DENND1A: variants seen among roughly 807,000 people sequenced by gnomAD.
The protein encoded by DENND1A is DENN domain containing 1A, also known as DENN domain-containing protein 1A.
In DENND1A, 51 loss-of-function variants were observed where a neutral mutation model predicts 113.7. That is an observed-to-expected ratio of 0.45 (90% CI 0.36 to 0.57). The LOEUF (loss-of-function observed/expected upper bound fraction) is 0.57. Among genes scored for constraint, DENND1A ranks in the 20% least tolerant of loss-of-function variants. The probability of loss-of-function intolerance (pLI) is 0.00; values close to 1 mark genes in which losing one functional copy is unlikely to be tolerated. For missense variants in DENND1A, 1,258 were observed against 1,395.9 expected (o/e 0.90, Z 1.57); for synonymous variants, 565 against 570.8 (o/e 0.99, Z 0.14).
chr9:123,601,303 T>C (rs1307688823), intron 11 of DENND1A, among the ~76,000 whole-genome samples: 2 of 152,214 alleles, frequency 1.3e-5, no homozygotes, highest in Non-Finnish European at 2.9e-5. Flanking sequence ...TTACATAAAT[T>C]ACTGCTAGAG....
chr9:123,520,055 G>T (rs375912009), intron 13 of DENND1A, among the ~76,000 whole-genome samples: 8 of 150,716 alleles, frequency 5.3e-5, no homozygotes, highest in Admixed American at 1.3e-4. Context: ...AATTACATGG[G>T]AGGCAGAGGC....
At chr9:123,592,224 A>G (rs2059490860) in intron 11 of DENND1A, among the ~76,000 whole-genome samples, 1 of 152,248 alleles carries the variant, frequency 6.6e-6, no homozygotes, top group African/African-American at 2.4e-5. Context: ...TTCTAAGACT[A>G]AGGAATTAAA....
chr9:123,650,618 T>C (rs188890181), intron 9 of DENND1A, among the ~76,000 whole-genome samples: 1 of 152,246 alleles, frequency 6.6e-6, no homozygotes, highest in African/African-American at 2.4e-5. Flanking sequence ...TGATTTACTT[T>C]GAAATGCATA....
intron 12 of DENND1A, among the ~76,000 whole-genome samples, chr9:123,564,029 C>G (rs923466177): frequency 5.3e-5 from 8 of 152,150 alleles, no homozygotes; most frequent in African/African-American, 9.7e-5. Flanking sequence ...GGAAACGGAA[C>G]TGCAGAGGAG....
At chr9:123,741,375 C>T (rs1285995910) in intron 5 of DENND1A, among the ~76,000 whole-genome samples, 1 of 152,204 alleles carries the variant, frequency 6.6e-6, no homozygotes, top group Non-Finnish European at 1.5e-5. Context: ...CTTCCCTACC[C>T]ACCATCAATG....
chr9:123,525,341 T>G (rs1269696222), intron 13 of DENND1A, among the ~76,000 whole-genome samples: 2 of 152,090 alleles, frequency 1.3e-5, no homozygotes, highest in African/African-American at 4.8e-5. Flanking sequence ...TGGGGGTAAG[T>G]GGGAAGATGA....
intron 1 of DENND1A, among the ~76,000 whole-genome samples, chr9:123,903,450 A>C (rs1453138115): frequency 6.6e-6 from 1 of 150,902 alleles, no homozygotes; most frequent in Admixed American, 6.6e-5. Context: ...CTGCATTTCC[A>C]TCTGAGGTAC....
At chr9:123,927,335 C>T (rs1383604129) in intron 1 of DENND1A, among the ~76,000 whole-genome samples, 1 of 152,118 alleles carries the variant, frequency 6.6e-6, no homozygotes, top group Non-Finnish European at 1.5e-5. Context: ...CAATGTTAAG[C>T]CCTACTCTGC....
intron 11 of DENND1A, among the ~76,000 whole-genome samples, chr9:123,599,925 C>G (rs2059868242): frequency 6.6e-6 from 1 of 152,140 alleles, no homozygotes; most frequent in East Asian, 1.9e-4. Context: ...GTCACAAACC[C>G]ATACCATGAG....
chr9:123,429,235 C>T (rs1564471432), intron 19 of DENND1A, among the ~76,000 whole-genome samples: 1 of 152,070 alleles, frequency 6.6e-6, no homozygotes, highest in Non-Finnish European at 1.5e-5. Flanking sequence ...TAAAACTGCA[C>T]ACCTACAACC....
chr9:123,860,937 C>A (rs767381552), intron 2 of DENND1A, among the ~76,000 whole-genome samples: 2 of 152,130 alleles, frequency 1.3e-5, no homozygotes, highest in East Asian at 1.9e-4. Flanking sequence ...GCTCTTAAAT[C>A]TTTAGTAAAG....
intron 13 of DENND1A, among the ~76,000 whole-genome samples, chr9:123,551,784 C>A (rs1238179626): frequency 1.3e-5 from 2 of 152,144 alleles, no homozygotes; most frequent in Admixed American, 6.5e-5. Flanking sequence ...CAACACTGGC[C>A]CTCCCCGCCC....
chr9:123,500,761 C>T (rs915065765), intron 13 of DENND1A, among the ~76,000 whole-genome samples: 1 of 152,158 alleles, frequency 6.6e-6, no homozygotes, highest in Non-Finnish European at 1.5e-5. Context: ...GAATTGAATG[C>T]AAAAACGCTG....
At chr9:123,566,452 G>A (rs1240628119) in intron 12 of DENND1A, among the ~76,000 whole-genome samples, 1 of 152,032 alleles carries the variant, frequency 6.6e-6, no homozygotes, top group African/African-American at 2.4e-5. Context: ...CCTCTCCCCT[G>A]ACAACTTGTG....
chr9:123,813,924 G>A (rs1199084933), intron 2 of DENND1A, among the ~76,000 whole-genome samples: 1 of 152,158 alleles, frequency 6.6e-6, no homozygotes, highest in Non-Finnish European at 1.5e-5. Flanking sequence ...AATAGTTACA[G>A]CATTAAGAAG....
At chr9:123,623,962 A>T (rs1481701124) in intron 10 of DENND1A, among the ~76,000 whole-genome samples, 1 of 152,170 alleles carries the variant, frequency 6.6e-6, no homozygotes, top group East Asian at 1.9e-4. Flanking sequence ...GTTGTCCTGA[A>T]AACTCCTAGC....
At chr9:123,871,781 TG>T (rs545128658) in intron 2 of DENND1A, among the ~76,000 whole-genome samples, 1 of 143,606 alleles carries the variant, frequency 7.0e-6, no homozygotes, top group South Asian at 2.5e-4. Context: ...CTGAAAATGC[TG>T]GGGGTTGGGG....
At chr9:123,733,183 G>A (rs2068305752) in intron 5 of DENND1A, among the ~76,000 whole-genome samples, 1 of 152,124 alleles carries the variant, frequency 6.6e-6, no homozygotes, top group African/African-American at 2.4e-5. Flanking sequence ...GTTTCTCCAT[G>A]TAGGTCAGGC....
At chr9:123,442,601 G>GA (rs954685587) in intron 18 of DENND1A, among the ~76,000 whole-genome samples, 11 of 149,660 alleles carry the variant, frequency 7.3e-5, no homozygotes, top group African/African-American at 1.2e-4. Context: ...GTGTTTGGCT[G>GA]AAAAAAAAAT....
Sources: gnomAD v4.1 joint callset for allele counts (sites outside exome capture counted in the v4.1 genomes callset) on GRCh38, gnomAD v4.1.1 for gene constraint, MANE v1.5 for transcripts, NCBI Gene and HGNC (gene_info 2026-07-23, HGNC 2026-07-21) for gene names.